The following TPRG1 variants were observed in gnomAD, a reference collection of about 807,000 sequenced individuals.
The protein encoded by TPRG1 is tumor protein p63-regulated gene 1 protein.
TPRG1 carries 29 observed loss-of-function variants against 29.3 expected under a neutral mutation model. The ratio of observed to expected loss-of-function variants is 0.99; its 90% CI spans 0.74 to 1.35. TPRG1 has a LOEUF of 1.35. Among genes scored for constraint, TPRG1 ranks in the 40% most tolerant of loss-of-function variants. The probability of loss-of-function intolerance (pLI) is 0.00; values close to 1 mark genes in which losing one functional copy is unlikely to be tolerated. For missense variants in TPRG1, 327 were observed against 335.0 expected (o/e 0.98, Z 0.19); for synonymous variants, 130 against 116.8 (o/e 1.11, Z -0.73).
chr3:189,207,160 C>T, intron 1 of TPRG1: 1 of 984,874 alleles, frequency 1.0e-6, no homozygotes, highest in South Asian at 4.7e-5. Flanking sequence ...AGAGTCTCTC[C>T]TTCACTTCTC....
chr3:189,090,937 T>C lies in TPRG1; in HGVS notation c.-462-36120T>C, dbSNP rs149781511. Among the ~76,000 whole-genome samples the C allele has an allele frequency of 3.5e-3, 539 of 152,240 alleles. 2 individuals are homozygous for C. Among genetic ancestry groups the C allele is most frequent in the African/African-American group, 0.012 (483 of 41,572 alleles). ...TTTAACTTAATGACAAGAAGCAGTGTAAAAGAATGTTATTTGCTCTGACTG... is the reference window on the plus strand; with the variant it reads ...TTTAACTTAATGACAAGAAGCAGTGCAAAAGAATGTTATTTGCTCTGACTG... On this transcript the variant is annotated intron_variant, in intron 4 of 10. Coordinates refer to the TPRG1 transcript ENST00000433971.
At chr3:189,061,802 G>A (rs1716123915) in intron 4 of TPRG1, among the ~76,000 whole-genome samples, 1 of 152,172 alleles carries the variant, frequency 6.6e-6, no homozygotes, top group South Asian at 2.1e-4. Flanking sequence ...TGATAGTAAG[G>A]TTGTGGAGAA....
chr3:189,050,437 G>A (rs1715243145), intron 4 of TPRG1, among the ~76,000 whole-genome samples: 1 of 152,124 alleles, frequency 6.6e-6, no homozygotes, highest in African/African-American at 2.4e-5. Flanking sequence ...GTTTGAAATG[G>A]TAATTTAAAA....
chr3:189,024,418 C>T (rs1242823214), intron 4 of TPRG1, among the ~76,000 whole-genome samples: 1 of 151,406 alleles, frequency 6.6e-6, no homozygotes, highest in Non-Finnish European at 1.5e-5. Flanking sequence ...GGCACTCTAT[C>T]CCAGGGGGAA....
Position 189,039,365 on chromosome 3 carries a change from C to T in TPRG1, c.-463+15419C>T, listed in dbSNP as rs1714485293. ...ACCCTTGTTCCTGGCACTCTCCAAA[C>T]TTTCAGGGCCCTGTTGTGAAATTCT... On this transcript the variant is annotated intron_variant, in intron 4 of 10. Transcript: ENST00000433971. Among the ~76,000 whole-genome samples the T allele has an allele frequency of 2.6e-5, 4 of 152,264 alleles. No homozygotes were observed. In the South Asian group the frequency reaches 8.3e-4, roughly 32 times the overall value.
intron 1 of TPRG1, among the ~76,000 whole-genome samples, chr3:189,109,519 A>C (rs1175734064): frequency 6.6e-6 from 1 of 152,208 alleles, no homozygotes; most frequent in Non-Finnish European, 1.5e-5. Flanking sequence ...ACAAAAGATA[A>C]TTCTCAGGAA....
chr3:189,011,069 GT>G (rs1462513251), intron 3 of TPRG1, among the ~76,000 whole-genome samples: 1 of 152,096 alleles, frequency 6.6e-6, no homozygotes, highest in Non-Finnish European at 1.5e-5. Context: ...AGATCAGATG[GT>G]TATAGGTGTG....
At chr3:189,226,668 T>A (rs1737762917) in intron 3 of TPRG1, among the ~76,000 whole-genome samples, 1 of 149,604 alleles carries the variant, frequency 6.7e-6, no homozygotes, top group Non-Finnish European at 1.5e-5. Context: ...AGTAAATAAC[T>A]TAGATAAGAA....
chr3:189,218,381 G>T (rs987637181), intron 3 of TPRG1, among the ~76,000 whole-genome samples: 2 of 152,116 alleles, frequency 1.3e-5, no homozygotes, highest in Non-Finnish European at 2.9e-5. Context: ...CTCCCAAAGT[G>T]CTAGGATTAC....
chr3:189,037,062 A>G lies in TPRG1; in HGVS notation c.-463+13116A>G, dbSNP rs545601424. Among the ~76,000 whole-genome samples, 16 of 151,648 alleles carry G rather than the reference A, an allele frequency of 1.1e-4. No homozygotes were observed. In the South Asian group the frequency reaches 3.3e-3, roughly 31 times the overall value. On this transcript the variant is annotated intron_variant, in intron 4 of 10. Coordinates refer to the TPRG1 transcript ENST00000433971. ...AAAAACGAAACAAATATTTAAAAAAAAAATCACCCTCCTTTCCTCATACAA... is the reference window on the plus strand; with the variant it reads ...AAAAACGAAACAAATATTTAAAAAAGAAATCACCCTCCTTTCCTCATACAA...
At chr3:189,170,394 C>T (rs1361681676), upstream of TPRG1, among the ~76,000 whole-genome samples, 3 of 152,090 alleles carry the variant, frequency 2.0e-5, no homozygotes, top group Admixed American at 6.5e-5. Context: ...CCCAACTCTA[C>T]CATCTGTGCT....
At chr3:189,018,975 T>C (rs941202833) in intron 3 of TPRG1, among the ~76,000 whole-genome samples, 12 of 152,182 alleles carry the variant, frequency 7.9e-5, no homozygotes, top group East Asian at 5.8e-4. Context: ...TCCTAGGTAT[T>C]TGATTCTCTT....
Position 189,320,941 on chromosome 3 carries a change from A to G in TPRG1, c.*121A>G. 1.0e-6 allele frequency: 1 copy of G among 986,996 alleles called. No individual in the cohort carries two copies. The highest frequency in any genetic ancestry group is 1.4e-6 in the Non-Finnish European group (1 of 705,586). The allele number at this position is 986,996 out of a possible 1,614,324, so 61.1% of individuals were successfully genotyped here. A position where few individuals can be genotyped will look rare whatever the true frequency, so the allele number is the denominator to read the frequency against. On this transcript the variant is annotated 3_prime_UTR_variant, in exon 6 of 6. Coordinates refer to ENST00000345063, the MANE Select transcript of TPRG1 (RefSeq NM_198485.4). ...ATTTTTAAATGACGCTTTATGATTT[A>G]GAAATTTAGTATTTCCGAAAATTTA...
chr3:189,283,339 C>T (rs1243597237), intron 4 of TPRG1, among the ~76,000 whole-genome samples: 1 of 152,144 alleles, frequency 6.6e-6, no homozygotes, highest in Non-Finnish European at 1.5e-5. Flanking sequence ...GAGTTGAGGA[C>T]TGGAAATGCC....
At chr3:189,240,906 T>A (rs1740467738) in intron 4 of TPRG1, among the ~76,000 whole-genome samples, 1 of 152,244 alleles carries the variant, frequency 6.6e-6, no homozygotes, top group Non-Finnish European at 1.5e-5. Flanking sequence ...ACCAGTGATA[T>A]AACTTGGAGG....
intron 5 of TPRG1, among the ~76,000 whole-genome samples, chr3:189,158,343 T>C (rs1448539056): frequency 6.6e-6 from 1 of 152,120 alleles, no homozygotes; most frequent in Admixed American, 6.5e-5. Flanking sequence ...GCGCGGTGGC[T>C]CACACCTGTA....
intron 3 of TPRG1, among the ~76,000 whole-genome samples, chr3:189,231,062 G>A (rs73889139): frequency 3.4e-3 from 523 of 152,096 alleles, no homozygotes; most frequent in African/African-American, 0.012. Flanking sequence ...AACTTTTCCA[G>A]GTTCTTACTT....
At chr3:189,271,785 T>G (rs902186089) in intron 4 of TPRG1, among the ~76,000 whole-genome samples, 1 of 152,210 alleles carries the variant, frequency 6.6e-6, no homozygotes, top group East Asian at 1.9e-4. Flanking sequence ...GGGAAAAGCA[T>G]GTGCTTGGGA....
At chr3:189,234,722 G>A (rs1449310566) in intron 3 of TPRG1, among the ~76,000 whole-genome samples, 1 of 152,218 alleles carries the variant, frequency 6.6e-6, no homozygotes, top group Non-Finnish European at 1.5e-5. Context: ...GGAGACACAA[G>A]GCTAAGAACT....
Sources: allele counts gnomAD v4.1 joint callset (sites outside exome capture counted in the v4.1 genomes callset), GRCh38; gene constraint gnomAD v4.1.1; transcripts MANE v1.5; gene names NCBI Gene and HGNC (gene_info 2026-07-23, HGNC 2026-07-21).